COP1: variants seen among roughly 807,000 people sequenced by gnomAD.
The protein encoded by COP1 is E3 ubiquitin-protein ligase COP1.
A neutral mutation model predicts 101.3 loss-of-function variants in COP1; 24 were observed. That is an observed-to-expected ratio of 0.24 (90% confidence interval 0.17 to 0.33). The LOEUF (loss-of-function observed/expected upper bound fraction) is 0.33. Among genes scored for constraint, COP1 ranks in the 10% least tolerant of loss-of-function variants. The probability of loss-of-function intolerance (pLI) is 1.00; values close to 1 mark genes in which losing one functional copy is unlikely to be tolerated. For missense variants in COP1, 663 were observed against 906.2 expected (o/e 0.73, Z 3.45); for synonymous variants, 347 against 341.9 (o/e 1.01, Z -0.17).
At chr1:176,104,382 A>C (rs1683943454) in intron 9 of COP1, among the ~76,000 whole-genome samples, 1 of 152,092 alleles carries the variant, frequency 6.6e-6, no homozygotes, top group Non-Finnish European at 1.5e-5. Context: ...TAGGAAGAAA[A>C]TATAGGCAAC....
At chr1:176,048,062 G>T (rs1382430696) in intron 11 of COP1, among the ~76,000 whole-genome samples, 1 of 151,782 alleles carries the variant, frequency 6.6e-6, no homozygotes, top group African/African-American at 2.4e-5. Context: ...GACACAGCAA[G>T]ACCCTGTCTT....
intron 8 of COP1, among the ~76,000 whole-genome samples, chr1:176,128,008 ATGTCTTCTTTTCTAT>A (rs1288996195): frequency 1.2e-5 from 1 of 80,326 alleles, no homozygotes; most frequent in African/African-American, 3.2e-5. Context: ...TTCTATATCT[ATGTCTTCTTTTCTAT>A]GTCTTCTTTT....
At chr1:176,134,364 T>C (rs754942752) in intron 8 of COP1, among the ~76,000 whole-genome samples, 5 of 152,010 alleles carry the variant, frequency 3.3e-5, no homozygotes, top group Non-Finnish European at 5.9e-5. Flanking sequence ...AGATAGCATA[T>C]ATTTCATGAA....
chr1:176,051,504 T>C (rs1211922085), intron 11 of COP1, among the ~76,000 whole-genome samples: 2 of 152,246 alleles, frequency 1.3e-5, no homozygotes, highest in East Asian at 3.9e-4. Context: ...TACTTGAAAA[T>C]AAACAACTGT....
chr1:176,116,541 C>G, intron 9 of COP1, 83 bp downstream of exon 9: 1 of 1,144,528 alleles, frequency 8.7e-7, no homozygotes, highest in Non-Finnish European at 1.3e-6. Context: ...TGTGACAGGA[C>G]ATTTTAGTAA....
chr1:175,966,846 C>A (rs1017313701), intron 18 of COP1, among the ~76,000 whole-genome samples: 1 of 152,090 alleles, frequency 6.6e-6, no homozygotes, highest in South Asian at 2.1e-4. Flanking sequence ...GGCCACAGAA[C>A]CAAAGTGGTA....
intron 11 of COP1, among the ~76,000 whole-genome samples, chr1:176,074,080 C>A (rs1364554143): frequency 6.6e-6 from 1 of 152,114 alleles, no homozygotes; most frequent in Non-Finnish European, 1.5e-5. Context: ...GCATACGCCA[C>A]CATGCCTGGC....
chr1:176,163,220 C>T lies in COP1; in HGVS notation c.643-232G>A, dbSNP rs142731221. On this transcript the variant is annotated intron_variant, in intron 4 of 19. Coordinates refer to ENST00000367669, the MANE Select transcript of COP1 (RefSeq NM_022457.7). ...ATTTAGATAACAAATATAAAAGGTGCCTTTGAGACTATTCTAAAGCTGTAA... is the reference window on the plus strand; with the variant it reads ...ATTTAGATAACAAATATAAAAGGTGTCTTTGAGACTATTCTAAAGCTGTAA... Among the ~76,000 whole-genome samples, 40 of 152,242 alleles carry T rather than the reference C, an allele frequency of 2.6e-4. No homozygotes were observed. The East Asian group carries it at 6.2e-3, about 24-fold the overall frequency.
chr1:176,150,390 A>G (rs1244199296), intron 5 of COP1, among the ~76,000 whole-genome samples: 1 of 152,250 alleles, frequency 6.6e-6, no homozygotes, highest in Non-Finnish European at 1.5e-5. Flanking sequence ...AGAATCATGA[A>G]GATTGAAATT....
chr1:176,043,636 G>T, intron 13 of COP1, 74 bp downstream of exon 13: 1 of 838,412 alleles, frequency 1.2e-6, no homozygotes, highest in Non-Finnish European at 2.0e-6. Flanking sequence ...TAATTATAAG[G>T]CACATGAAGT....
In COP1 at chr1:175,947,239, C is replaced by T; in HGVS notation, c.2134G>A (p.Glu712Lys). The T allele has an allele frequency of 6.2e-7, 1 of 1,605,708 alleles. No homozygotes were observed. Among genetic ancestry groups the T allele is most frequent in the Non-Finnish European group, 8.5e-7 (1 of 1,172,458 alleles). Residue 712 changes from glutamate (E) to lysine (K), a missense_variant and splice_region_variant, in exon 19 of 20, where the codon GAG becomes AAG. By Grantham distance (56) the Glu-to-Lys change is moderately conservative. Coordinates refer to ENST00000367669, the MANE Select transcript of COP1 (RefSeq NM_022457.7). Reference protein sequence around the residue: ...AVCWRALPDGESNVLIAANSQ... With the variant: ...AVCWRALPDGKSNVLIAANSQ... ...TTAGCAGCAATCAGCACATTGGACTCCTAGAAAAGAACAAGAGCTTTTAAA... is the reference window on the plus strand; with the variant it reads ...TTAGCAGCAATCAGCACATTGGACTTCTAGAAAAGAACAAGAGCTTTTAAA...
At chr1:176,166,721 G>C (rs189464936) in intron 3 of COP1, among the ~76,000 whole-genome samples, 3 of 152,182 alleles carry the variant, frequency 2.0e-5, no homozygotes, top group Admixed American at 2.0e-4. Context: ...CAAACAGCTT[G>C]AGCCAGGAGC....
chr1:176,114,963 T>C (rs1416762640), intron 9 of COP1, among the ~76,000 whole-genome samples: 1 of 152,160 alleles, frequency 6.6e-6, no homozygotes. Context: ...GAAACATATG[T>C]GGGTACCTTA....
chr1:176,124,890 T>C (rs529295945), intron 8 of COP1, among the ~76,000 whole-genome samples: 5 of 152,332 alleles, frequency 3.3e-5, no homozygotes, highest in African/African-American at 1.2e-4. Context: ...ACCAGCACCA[T>C]ACAAGGGTTC....
intron 10 of COP1, among the ~76,000 whole-genome samples, chr1:176,084,195 C>A (rs1679695139): frequency 6.6e-6 from 1 of 152,116 alleles, no homozygotes; most frequent in South Asian, 2.1e-4. Context: ...AGTCAGAATG[C>A]AGGTATTGGG....
At chr1:176,177,349 T>TA (rs575380846) in intron 2 of COP1, among the ~76,000 whole-genome samples, 303 of 132,642 alleles carry the variant, frequency 2.3e-3, no homozygotes, top group Non-Finnish European at 2.0e-3. Flanking sequence ...AAAAAAATAT[T>TA]AAAAAAAAAA....
chr1:176,106,860 T>C (rs544727642), intron 9 of COP1, among the ~76,000 whole-genome samples: 7 of 152,238 alleles, frequency 4.6e-5, no homozygotes, highest in Admixed American at 1.3e-4. Context: ...ATCCATTGAG[T>C]GGTTACATGA....
At chr1:176,130,791 TACTC>T (rs771418186) in intron 8 of COP1, among the ~76,000 whole-genome samples, 221 of 151,820 alleles carry the variant, frequency 1.5e-3, no homozygotes, top group Non-Finnish European at 2.5e-3. Context: ...AAAAAAACAA[TACTC>T]ACAGGATTAC....
intron 18 of COP1, among the ~76,000 whole-genome samples, chr1:175,968,779 T>C (rs1276383040): frequency 1.3e-5 from 2 of 152,240 alleles, no homozygotes; most frequent in Admixed American, 6.5e-5. Context: ...ACATTCATCA[T>C]TCCTTTCTCA....
Sources: allele counts gnomAD v4.1 joint callset (sites outside exome capture counted in the v4.1 genomes callset), GRCh38; gene constraint gnomAD v4.1.1; transcripts MANE v1.5; gene names NCBI Gene and HGNC (gene_info 2026-07-23, HGNC 2026-07-21).